KSR2: variants seen among roughly 807,000 people sequenced by gnomAD.
KSR2 encodes kinase suppressor of ras 2.
KSR2 carries 25 observed loss-of-function variants against 107.8 expected under a neutral mutation model. That is an observed-to-expected ratio of 0.23 (90% CI 0.17 to 0.32). The LOEUF (loss-of-function observed/expected upper bound fraction) is 0.32. Among genes scored for constraint, KSR2 ranks in the 10% least tolerant of loss-of-function variants. The pLI, the probability that KSR2 is intolerant of heterozygous loss-of-function variation, is 1.00. For missense variants in KSR2, 887 were observed against 1,268.9 expected (o/e 0.70, Z 4.57); for synonymous variants, 480 against 507.0 (o/e 0.95, Z 0.71).
At chr12:117,866,358 G>A (rs918152615) in intron 1 of KSR2, among the ~76,000 whole-genome samples, 1 of 152,092 alleles carries the variant, frequency 6.6e-6, no homozygotes, top group African/African-American at 2.4e-5. Flanking sequence ...CTTTATAACG[G>A]AGCACAGGAC....
At chr12:117,577,106 C>T (rs1021345683) in intron 7 of KSR2, among the ~76,000 whole-genome samples, 3 of 152,080 alleles carry the variant, frequency 2.0e-5, no homozygotes, top group African/African-American at 4.8e-5. Context: ...TTGCCCTTGC[C>T]GTTCTCTCAC....
chr12:117,852,702 C>G (rs189794379), intron 3 of KSR2, among the ~76,000 whole-genome samples: 7 of 152,320 alleles, frequency 4.6e-5, no homozygotes, highest in African/African-American at 1.7e-4. Context: ...AACCTAACCT[C>G]AAACGCTCAC....
At chr12:117,957,180 T>A (rs75101566) in intron 1 of KSR2, among the ~76,000 whole-genome samples, 1 of 152,166 alleles carries the variant, frequency 6.6e-6, no homozygotes, top group Non-Finnish European at 1.5e-5. Flanking sequence ...GATTTCACCT[T>A]TGGGGAGTCC....
At chr12:117,910,578 T>C (rs537498426) in intron 1 of KSR2, among the ~76,000 whole-genome samples, 17 of 152,306 alleles carry the variant, frequency 1.1e-4, no homozygotes, top group Middle Eastern at 3.4e-3. Flanking sequence ...TTTACCACAA[T>C]TAAACTTACT....
intron 14 of KSR2, among the ~76,000 whole-genome samples, chr12:117,502,189 A>G (rs932602066): frequency 6.6e-6 from 1 of 152,256 alleles, no homozygotes; most frequent in Non-Finnish European, 1.5e-5. Context: ...GAACACACAT[A>G]AAGACATGTC....
At chr12:117,831,825 A>G (rs1338731972) in intron 3 of KSR2, among the ~76,000 whole-genome samples, 1 of 152,240 alleles carries the variant, frequency 6.6e-6, no homozygotes, top group African/African-American at 2.4e-5. Context: ...CCAAGAACAC[A>G]GGAGGTACTT....
At chr12:117,629,218 A>G (rs1003512748) in intron 5 of KSR2, among the ~76,000 whole-genome samples, 3 of 152,186 alleles carry the variant, frequency 2.0e-5, no homozygotes, top group Non-Finnish European at 4.4e-5. Context: ...CCACTGTCCA[A>G]CCAGTCCCAA....
intron 5 of KSR2, among the ~76,000 whole-genome samples, chr12:117,643,885 C>T (rs1883496678): frequency 6.6e-6 from 1 of 152,168 alleles, no homozygotes; most frequent in Admixed American, 6.5e-5. Context: ...TTAACACTAC[C>T]GCACGATGCC....
intron 7 of KSR2, among the ~76,000 whole-genome samples, chr12:117,565,706 T>C (rs537001503): frequency 3.3e-5 from 5 of 152,370 alleles, no homozygotes; most frequent in African/African-American, 1.2e-4. Context: ...TGGAGATAAC[T>C]TATCTGTTTG....
intron 1 of KSR2, among the ~76,000 whole-genome samples, chr12:117,880,603 G>A (rs1893994144): frequency 6.6e-6 from 1 of 152,180 alleles, no homozygotes; most frequent in African/African-American, 2.4e-5. Context: ...GAGAATGCTG[G>A]CCATGAAATT....
Position 117,469,751 on chromosome 12 carries a change from A to G in KSR2, c.2757T>C (p.Pro919=), listed in dbSNP as rs56407105. Reference sequence around the variant, plus strand: ...GCATGTCCATGAGCTTGGTGAAGGTAGGTCTCTCTTCTTGTTCAAAGGCCC... The same window carrying G: ...GCATGTCCATGAGCTTGGTGAAGGTGGGTCTCTCTTCTTGTTCAAAGGCCC... ...FCWAFEQEER[P]TFTKLMDMLE... is the part of the protein sequence containing the mutation. Residue 919 remains proline, a synonymous_variant, in exon 19 of 20, where the codon CCT becomes CCC. Transcript: ENST00000339824. 2,175 of 1,613,944 alleles carry G rather than the reference A, an allele frequency of 1.3e-3. 29 individuals carry two copies. In the African/African-American group the frequency reaches 0.024, roughly 18 times the overall value.
intron 7 of KSR2, among the ~76,000 whole-genome samples, chr12:117,570,065 T>C (rs1274270237): frequency 6.6e-6 from 1 of 151,420 alleles, no homozygotes; most frequent in South Asian, 2.1e-4. Flanking sequence ...TGCAGTGGCG[T>C]GATCCCGGCT....
At chr12:117,490,408 C>T (rs1029071439) in intron 14 of KSR2, among the ~76,000 whole-genome samples, 2 of 152,176 alleles carry the variant, frequency 1.3e-5, no homozygotes, top group Admixed American at 6.5e-5. Flanking sequence ...AGACACTAGC[C>T]TAAGGATAAG....
At chr12:117,732,938 G>T (rs1008905956) in intron 4 of KSR2, among the ~76,000 whole-genome samples, 4 of 152,178 alleles carry the variant, frequency 2.6e-5, no homozygotes, top group African/African-American at 9.7e-5. Context: ...TCCCTCCTCT[G>T]CCATCAGCCG....
chr12:117,878,985 A>T (rs1893951162), intron 1 of KSR2, among the ~76,000 whole-genome samples: 1 of 152,204 alleles, frequency 6.6e-6, no homozygotes, highest in Non-Finnish European at 1.5e-5. Flanking sequence ...GGTCGTGGAT[A>T]AAAAATCCAG....
chr12:117,933,025 T>C (rs1895737694), intron 1 of KSR2, among the ~76,000 whole-genome samples: 1 of 151,378 alleles, frequency 6.6e-6, no homozygotes, highest in South Asian at 2.1e-4. Flanking sequence ...AATAAATAAA[T>C]AAATAAAAAC....
At chr12:117,508,145 T>G (rs1873814878) in intron 14 of KSR2, among the ~76,000 whole-genome samples, 3 of 152,210 alleles carry the variant, frequency 2.0e-5, no homozygotes, top group Non-Finnish European at 4.4e-5. Context: ...GTTTTATGTT[T>G]ATATCAGGGA....
intron 2 of KSR2, among the ~76,000 whole-genome samples, chr12:117,856,945 CA>C (rs1163753859): frequency 6.6e-6 from 1 of 152,154 alleles, no homozygotes; most frequent in Non-Finnish European, 1.5e-5. Context: ...CCCAGGCAGG[CA>C]GGGGGCAGAG....
intron 4 of KSR2, among the ~76,000 whole-genome samples, chr12:117,688,324 G>A (rs1565961987): frequency 6.6e-6 from 1 of 152,188 alleles, no homozygotes; most frequent in African/African-American, 2.4e-5. Context: ...AGGTTGCAGT[G>A]AGCCATCACG....
Sources: gnomAD v4.1 joint callset for allele counts (sites outside exome capture counted in the v4.1 genomes callset) on GRCh38, gnomAD v4.1.1 for gene constraint, MANE v1.5 for transcripts, NCBI Gene and HGNC (gene_info 2026-07-23, HGNC 2026-07-21) for gene names.